Variants in CTNNA2 observed in about 807,000 individuals in gnomAD.
The protein encoded by CTNNA2 is catenin alpha-2.
CTNNA2 carries 42 observed loss-of-function variants against 101.0 expected under a neutral mutation model. The ratio of observed to expected loss-of-function variants is 0.42; its 90% CI spans 0.32 to 0.54. The LOEUF (loss-of-function observed/expected upper bound fraction) is 0.54, where lower values mean the gene tolerates loss of function less well. CTNNA2 is among the 20% of genes least tolerant of loss of function. CTNNA2 has a pLI of 0.14. For synonymous variants in CTNNA2, 450 were observed against 456.4 expected, an observed-to-expected ratio of 0.99 and a Z score of 0.18; for missense variants, 871 against 1,223.1, an observed-to-expected ratio of 0.71 and a Z score of 4.29.
At chr2:79,397,802 C>G (rs1450843212) in intron 4 of CTNNA2, among the ~76,000 whole-genome samples, 1 of 152,080 alleles carries the variant, frequency 6.6e-6, no homozygotes, top group Non-Finnish European at 1.5e-5. Context: ...GCTAGGACAA[C>G]AAGTGCCACC....
chr2:80,636,080 G>T (rs1573529828), intron 18 of CTNNA2, among the ~76,000 whole-genome samples: 1 of 151,064 alleles, frequency 6.6e-6, no homozygotes, highest in South Asian at 2.1e-4. Context: ...TCTTTGGAAG[G>T]TCTTTTCATA....
chr2:80,345,383 C>G (rs533138803), intron 7 of CTNNA2, among the ~76,000 whole-genome samples: 6 of 152,162 alleles, frequency 3.9e-5, no homozygotes, highest in Non-Finnish European at 8.8e-5. Context: ...TTCTCCAGCC[C>G]CTCAGTCTTT....
intron 1 of CTNNA2, among the ~76,000 whole-genome samples, chr2:79,516,801 T>C (rs1671831923): frequency 6.6e-6 from 1 of 152,164 alleles, no homozygotes; most frequent in South Asian, 2.1e-4. Context: ...TGCTGAACAA[T>C]AAAGATTTAA....
intron 1 of CTNNA2, among the ~76,000 whole-genome samples, chr2:79,597,547 G>A (rs980032334): frequency 5.9e-5 from 9 of 151,964 alleles, no homozygotes; most frequent in African/African-American, 1.5e-4. Context: ...GACTGTGGCC[G>A]TGATAGATCT....
At chr2:79,236,979 G>T (rs1037058403) in intron 2 of CTNNA2, among the ~76,000 whole-genome samples, 1 of 152,162 alleles carries the variant, frequency 6.6e-6, no homozygotes, top group African/African-American at 2.4e-5. Context: ...TTGGTATTTT[G>T]ACATTGGAGC....
In CTNNA2 at chr2:79,355,256, T is replaced by C. The variant is rs545014401; in HGVS notation, c.-317-18575T>C. Among the ~76,000 whole-genome samples the C allele has an allele frequency of 2.0e-4, 30 of 152,316 alleles. 1 individual carries two copies. In the South Asian group the frequency reaches 5.0e-3, roughly 25 times the overall value. On this transcript the variant is annotated intron_variant, in intron 3 of 21. Coordinates refer to the CTNNA2 transcript ENST00000466387. ...GAATGTTAAGCTTGTTTTCTAATTC[T>C]GTGAAAAATGACGTTGGTGATTTGA...
chr2:79,641,440 A>C (rs887285369), intron 1 of CTNNA2, among the ~76,000 whole-genome samples: 8 of 152,324 alleles, frequency 5.3e-5, no homozygotes, highest in African/African-American at 1.9e-4. Context: ...TTGGACTGTA[A>C]AGATAATTCC....
At chr2:80,055,171 C>T (rs180857330) in intron 7 of CTNNA2, among the ~76,000 whole-genome samples, 13 of 152,096 alleles carry the variant, frequency 8.5e-5, no homozygotes, top group Non-Finnish European at 1.6e-4. Flanking sequence ...CGACTACAGG[C>T]GCACACCACC....
chr2:80,540,971 G>A (rs554324608), intron 9 of CTNNA2, among the ~76,000 whole-genome samples: 14 of 152,214 alleles, frequency 9.2e-5, no homozygotes, highest in African/African-American at 3.4e-4. Context: ...TTATAGGCGT[G>A]AGCCACTGCA....
intron 7 of CTNNA2, among the ~76,000 whole-genome samples, chr2:80,108,065 A>C (rs1019827158): frequency 1.1e-4 from 17 of 152,178 alleles, no homozygotes; most frequent in Admixed American, 6.5e-4. Flanking sequence ...AAGGACATTT[A>C]ATAAGGTTTA....
At position 79,953,535 on chromosome 2, in the gene CTNNA2, T is replaced by C. The variant is rs541593140; in HGVS notation, c.1056+43738T>C. Among the ~76,000 whole-genome samples the C allele has an allele frequency of 1.5e-4, 23 of 152,302 alleles. 2 individuals are homozygous for C. In the South Asian group the frequency reaches 4.4e-3, roughly 29 times the overall value. ...AACAAGGAAGAACCACACAGGTAGA[T>C]TGTCAAAATTTCACCCTCGCTCCAG... On this transcript the variant is annotated intron_variant, in intron 7 of 18. Coordinates refer to ENST00000402739, the MANE Select transcript of CTNNA2 (RefSeq NM_001282597.3).
At chr2:80,010,398 C>T (rs1387135262) in intron 7 of CTNNA2, among the ~76,000 whole-genome samples, 1 of 152,108 alleles carries the variant, frequency 6.6e-6, no homozygotes, top group African/African-American at 2.4e-5. Flanking sequence ...TGGTTCACTA[C>T]AGCCTCAAAT....
intron 9 of CTNNA2, among the ~76,000 whole-genome samples, chr2:80,421,966 T>C (rs1391080156): frequency 6.6e-6 from 1 of 152,314 alleles, no homozygotes; most frequent in East Asian, 1.9e-4. Flanking sequence ...CTTGATAAAT[T>C]CAGTTACTAA....
At position 80,515,990 on chromosome 2, in the gene CTNNA2, A is replaced by G. The variant is rs551030047; in HGVS notation, c.1291-28992A>G. 3.3e-5 allele frequency among the ~76,000 whole-genome samples: 5 copies of G among 152,274 alleles called. No individual in the cohort carries two copies. In the South Asian group the frequency reaches 1.0e-3, roughly 32 times the overall value. On this transcript the variant is annotated intron_variant, in intron 9 of 18. Coordinates refer to ENST00000402739, the MANE Select transcript of CTNNA2 (RefSeq NM_001282597.3). Reference sequence around the variant, plus strand: ...TCCTTATCCACCTCTCTTTCACACTATTCTGTCTCTTCTCTCTCTCTTTCT... The same window carrying G: ...TCCTTATCCACCTCTCTTTCACACTGTTCTGTCTCTTCTCTCTCTCTTTCT...
chr2:80,259,261 C>T (rs149661917), intron 7 of CTNNA2, among the ~76,000 whole-genome samples: 1 of 152,222 alleles, frequency 6.6e-6, no homozygotes, highest in Non-Finnish European at 1.5e-5. Context: ...TAACATTGAC[C>T]CCATTTATTC....
rs375980095 is a variant in CTNNA2, at chr2:80,546,078, C to T, written c.1540+15C>T. The T allele has an allele frequency of 3.1e-6, 5 of 1,612,984 alleles. No individual in the cohort carries two copies. The highest frequency in any genetic ancestry group is 3.4e-6 in the Non-Finnish European group (4 of 1,179,712). ...CTCTGTCTCAGGTAATCATCACAAA[C>T]AGGTCCCTTACAAGGCAGCTGGAGG... On this transcript the variant is annotated intron_variant, in intron 11 of 18. Coordinates refer to ENST00000402739, the MANE Select transcript of CTNNA2 (RefSeq NM_001282597.3).
intron 1 of CTNNA2, among the ~76,000 whole-genome samples, chr2:79,191,906 C>T (rs574286913): frequency 1.5e-4 from 23 of 152,148 alleles, no homozygotes; most frequent in East Asian, 3.9e-4. Context: ...AAATGGAGGA[C>T]GCAGAGATGC....
chr2:80,316,630 C>T (rs1288618803), intron 7 of CTNNA2, among the ~76,000 whole-genome samples: 35 of 152,168 alleles, frequency 2.3e-4, no homozygotes, highest in Admixed American at 2.3e-3. Flanking sequence ...AGCAATTTTG[C>T]ATTAAAACCG....
chr2:80,119,028 G>A (rs1245980731), intron 7 of CTNNA2, among the ~76,000 whole-genome samples: 1 of 152,236 alleles, frequency 6.6e-6, no homozygotes, highest in African/African-American at 2.4e-5. Context: ...GATTAGAGGT[G>A]TTAGGATGGA....
Sources: allele counts gnomAD v4.1 joint callset (sites outside exome capture counted in the v4.1 genomes callset), GRCh38; gene constraint gnomAD v4.1.1; transcripts MANE v1.5; gene names NCBI Gene and HGNC (gene_info 2026-07-23, HGNC 2026-07-21).